The following WDR43 variants were observed in gnomAD, a reference collection of about 807,000 sequenced individuals.
The protein encoded by WDR43 is WD repeat-containing protein 43.
In WDR43, 13 loss-of-function variants were observed where a neutral mutation model predicts 91.4. The observed-to-expected ratio is 0.14, with a 90% CI of 0.09 to 0.23. The LOEUF (loss-of-function observed/expected upper bound fraction) is 0.23, where lower values mean the gene tolerates loss of function less well. Among genes scored for constraint, WDR43 ranks in the 10% least tolerant of loss-of-function variants. WDR43 has a pLI of 1.00. For synonymous variants in WDR43, 331 were observed against 287.9 expected (o/e 1.15, Z -1.51); for missense variants, 780 against 809.4 (o/e 0.96, Z 0.44).
In WDR43 at chr2:28,947,794, A is replaced by T. The variant is rs1448437043; in HGVS notation, c.*1015A>T. 6.7e-6 allele frequency: 1 copy of T among 149,874 alleles called. No individual in the cohort carries two copies. The highest frequency in any genetic ancestry group is 2.0e-4 in the East Asian group (1 of 5,106). 9.3% of individuals were successfully genotyped at this position (149,874 alleles called of 1,614,324 possible). ...GTTTACCTTTAAAATGATAAGTCTC[A>T]CTCAAGATTTTTTATGTATGTATAA... On this transcript the variant is annotated 3_prime_UTR_variant, in exon 18 of 18. Coordinates refer to ENST00000407426, the MANE Select transcript of WDR43 (RefSeq NM_015131.3).
chr2:28,912,820 A>G (rs1259060991), intron 4 of WDR43, 110 bp downstream of exon 4: 3 of 1,402,266 alleles, frequency 2.1e-6, no homozygotes, highest in Non-Finnish European at 2.9e-6. Context: ...CTTCATTGTC[A>G]GGTACATCAA....
chr2:28,900,347 A>AT (rs1488799926), intron 1 of WDR43, among the ~76,000 whole-genome samples: 4 of 151,478 alleles, frequency 2.6e-5, no homozygotes, highest in East Asian at 1.9e-4. Context: ...CGCCCGGCTA[A>AT]TTTTTTTTGT....
chr2:28,947,796 T>C lies in WDR43; in HGVS notation c.*1017T>C, dbSNP rs1352194040. The C allele has an allele frequency of 1.3e-5, 2 of 151,226 alleles. No individual in the cohort carries two copies. Among genetic ancestry groups the C allele is most frequent in the Non-Finnish European group, 2.9e-5 (2 of 67,814 alleles). The allele number at this position is 151,226 out of a possible 1,614,324, so 9.4% of individuals were successfully genotyped here. Reference sequence around the variant, plus strand: ...TTACCTTTAAAATGATAAGTCTCACTCAAGATTTTTTATGTATGTATAAAT... The same window carrying C: ...TTACCTTTAAAATGATAAGTCTCACCCAAGATTTTTTATGTATGTATAAAT... On this transcript the variant is annotated 3_prime_UTR_variant, in exon 18 of 18. Coordinates refer to ENST00000407426, the MANE Select transcript of WDR43 (RefSeq NM_015131.3).
rs907486386 is a variant in WDR43 at position 28,947,568 on chromosome 2, T to TA, written c.*790dup. The TA allele has an allele frequency of 7.2e-5, 11 of 152,162 alleles. No individual in the cohort carries two copies. Among genetic ancestry groups the TA allele is most frequent in the African/African-American group, 1.9e-4 (8 of 41,456 alleles). 9.4% of individuals were successfully genotyped at this position (152,162 alleles called of 1,614,324 possible). A position where few individuals can be genotyped will look rare whatever the true frequency, so the allele number is the denominator to read the frequency against. ...CTGCAACTTTTAAAAAAAATTCAGT[T>TA]ATAGCTGCTTTTGAAGAGGTTTCCA... On this transcript the variant is annotated 3_prime_UTR_variant, in exon 18 of 18. Coordinates refer to ENST00000407426, the MANE Select transcript of WDR43 (RefSeq NM_015131.3).
At chr2:28,926,003 T>C (rs548581085) in intron 8 of WDR43, among the ~76,000 whole-genome samples, 3 of 152,284 alleles carry the variant, frequency 2.0e-5, no homozygotes, top group South Asian at 4.1e-4. Flanking sequence ...CTATTTAATA[T>C]CGTGTCAGGA....
At chr2:28,919,667 C>G (rs1435967677) in intron 6 of WDR43, among the ~76,000 whole-genome samples, 1 of 150,188 alleles carries the variant, frequency 6.7e-6, no homozygotes, top group South Asian at 2.1e-4. Context: ...AAAAAAAAAA[C>G]AAACTAGTAG....
At chr2:28,945,190 ATTTTC>A (rs1177991767) in intron 16 of WDR43, among the ~76,000 whole-genome samples, 1 of 152,178 alleles carries the variant, frequency 6.6e-6, no homozygotes, top group Non-Finnish European at 1.5e-5. Context: ...ATAATGATTT[ATTTTC>A]TTAAGAAAAA....
At position 28,912,618 on chromosome 2, in the gene WDR43, A is replaced by G. The variant is rs367919374; in HGVS notation, c.514A>G (p.Ser172Gly). 5.6e-6 allele frequency: 9 copies of G among 1,613,966 alleles called. No individual in the cohort carries two copies. The highest frequency in any genetic ancestry group is 2.7e-5 in the African/African-American group (2 of 75,044). Residue 172 changes from serine to glycine, a missense_variant, in exon 4 of 18, where the codon AGT (serine) becomes GGT (glycine). By Grantham distance (56) the Ser-to-Gly change is moderately conservative. This residue lies in a region of WDR43 where 174 missense variants were observed against 207.3 expected (regional missense o/e 0.84). Transcript: ENST00000407426. Reference sequence around the variant, plus strand: ...ATGGAAAGGCGACAATAGCAGTGTCAGTTCCCTATGTATCAGCCCAGATGG... The same window carrying G: ...ATGGAAAGGCGACAATAGCAGTGTCGGTTCCCTATGTATCAGCCCAGATGG... ...CKWKGDNSSV[S>G]SLCISPDGKM...
intron 1 of WDR43, 74 bp downstream of exon 1, chr2:28,894,997 T>G: frequency 7.3e-7 from 1 of 1,365,388 alleles, no homozygotes; most frequent in Non-Finnish European, 9.5e-7. Flanking sequence ...GGGTGGCGCG[T>G]GGTCCGGCAT....
At chr2:28,904,456 C>T (rs1020965348) in intron 2 of WDR43, among the ~76,000 whole-genome samples, 6 of 152,190 alleles carry the variant, frequency 3.9e-5, no homozygotes, top group Non-Finnish European at 8.8e-5. Flanking sequence ...GTGAACACAT[C>T]GCTAAATTGC....
intron 9 of WDR43, 107 bp from the exon 10 acceptor site, chr2:28,927,462 G>C (rs1469835598): frequency 7.8e-7 from 1 of 1,278,820 alleles, no homozygotes; most frequent in Non-Finnish European, 1.1e-6. Context: ...TAATTATATT[G>C]CATTTTTCCA....
chr2:28,941,847 G>C (rs537271704), intron 15 of WDR43, among the ~76,000 whole-genome samples: 1 of 152,124 alleles, frequency 6.6e-6, no homozygotes, highest in South Asian at 2.1e-4. Flanking sequence ...CTACCACCTT[G>C]ACCTCCCAAA....
At chr2:28,905,211 GGGATAAT>G (rs905381142) in intron 2 of WDR43, among the ~76,000 whole-genome samples, 1 of 152,152 alleles carries the variant, frequency 6.6e-6, no homozygotes, top group South Asian at 2.1e-4. Context: ...GGCATACTAG[GGGATAAT>G]GGATAATGGA....
intron 1 of WDR43, among the ~76,000 whole-genome samples, chr2:28,899,975 A>G (rs1007281272): frequency 7.9e-5 from 12 of 152,120 alleles, no homozygotes; most frequent in African/African-American, 2.9e-4. Flanking sequence ...AAATACAGAG[A>G]TTTGCAGATG....
chr2:28,908,691 C>T (rs991718282), intron 3 of WDR43, among the ~76,000 whole-genome samples: 1 of 152,222 alleles, frequency 6.6e-6, no homozygotes. Context: ...CTCATAATTT[C>T]ATTATGTTTC....
chr2:28,939,226 C>T (rs998911072), intron 14 of WDR43, among the ~76,000 whole-genome samples: 2 of 151,708 alleles, frequency 1.3e-5, no homozygotes, highest in East Asian at 1.9e-4. Context: ...CTTGGGAGCA[C>T]TGGTGAGAGG....
At chr2:28,908,300 GGTGCTA>G (rs1558370360) in intron 3 of WDR43, among the ~76,000 whole-genome samples, 1 of 152,162 alleles carries the variant, frequency 6.6e-6, no homozygotes, top group Non-Finnish European at 1.5e-5. Flanking sequence ...CAGACAGGGT[GGTGCTA>G]GAGGCTTAGA....
chr2:28,915,165 A>G (rs1319220393), intron 5 of WDR43, among the ~76,000 whole-genome samples: 1 of 152,206 alleles, frequency 6.6e-6, no homozygotes, highest in African/African-American at 2.4e-5. Flanking sequence ...TGTATTCCTT[A>G]AAAAGGTAGT....
chr2:28,919,047 C>G (rs1393298482), intron 6 of WDR43, among the ~76,000 whole-genome samples: 1 of 152,012 alleles, frequency 6.6e-6, no homozygotes, highest in Non-Finnish European at 1.5e-5. Flanking sequence ...AACTTGAGCC[C>G]AGGAGTTCAG....
Sources: allele counts gnomAD v4.1 joint callset (sites outside exome capture counted in the v4.1 genomes callset), GRCh38; gene constraint gnomAD v4.1.1; regional missense constraint gnomAD v4.1.1; transcripts MANE v1.5; gene names NCBI Gene and HGNC (gene_info 2026-07-23, HGNC 2026-07-21).